Variants in SRGAP1 observed in about 807,000 individuals in gnomAD.
SRGAP1 encodes the protein SLIT-ROBO Rho GTPase-activating protein 1.
SRGAP1 carries 43 observed loss-of-function variants against 121.9 expected under a neutral mutation model. The observed-to-expected ratio is 0.35, with a 90% CI of 0.28 to 0.46. The LOEUF (loss-of-function observed/expected upper bound fraction) is 0.46. Ranked by LOEUF, SRGAP1 falls within the 20% of genes least tolerant of loss-of-function variation. SRGAP1 has a pLI of 1.00. For synonymous variants in SRGAP1, 447 were observed against 485.4 expected (o/e 0.92, Z 1.04); for missense variants, 1,102 against 1,350.9 (o/e 0.82, Z 2.89).
intron 8 of SRGAP1, among the ~76,000 whole-genome samples, chr12:64,076,174 C>T (rs1219338175): frequency 6.6e-6 from 1 of 152,142 alleles, no homozygotes; most frequent in Non-Finnish European, 1.5e-5. Context: ...GATAACCTCA[C>T]CTTTGACCTC....
Position 63,989,838 on chromosome 12 carries a change from C to T in SRGAP1, c.264-72C>T, listed in dbSNP as rs1368590130. On this transcript the variant is annotated intron_variant, in intron 2 of 21. Coordinates refer to ENST00000355086, the MANE Select transcript of SRGAP1 (RefSeq NM_020762.4). Reference sequence around the variant, plus strand: ...CATCTGTTGTGGTTCTTTAGTTTGCCTTGGTGACTTCACTCATCTGATTGG... The same window carrying T: ...CATCTGTTGTGGTTCTTTAGTTTGCTTTGGTGACTTCACTCATCTGATTGG... The T allele has an allele frequency of 5.5e-5, 68 of 1,226,712 alleles. 2 individuals are homozygous for T. In the East Asian group the frequency reaches 1.6e-3, roughly 28 times the overall value. 76.0% of individuals were successfully genotyped at this position (1,226,712 alleles called of 1,614,324 possible). A position where few individuals can be genotyped will look rare whatever the true frequency, so the allele number is the denominator to read the frequency against.
At chr12:63,932,530 C>A (rs1165149544) in intron 1 of SRGAP1, among the ~76,000 whole-genome samples, 1 of 152,262 alleles carries the variant, frequency 6.6e-6, no homozygotes, top group Non-Finnish European at 1.5e-5. Flanking sequence ...ATAGAGAAAT[C>A]TTTATTACTA....
chr12:64,049,125 CA>C, intron 6 of SRGAP1, among the ~76,000 whole-genome samples: 1 of 152,166 alleles, frequency 6.6e-6, no homozygotes, highest in Non-Finnish European at 1.5e-5. Context: ...GTAGTAGTTG[CA>C]TAGTTCAAAG....
At chr12:64,142,002 T>A (rs971437043) in intron 21 of SRGAP1, among the ~76,000 whole-genome samples, 1 of 152,028 alleles carries the variant, frequency 6.6e-6, no homozygotes. Flanking sequence ...AGAAAAAAAT[T>A]TTTTTTTAAG....
chr12:63,931,632 T>C (rs1326599338), intron 1 of SRGAP1, among the ~76,000 whole-genome samples: 1 of 152,174 alleles, frequency 6.6e-6, no homozygotes, highest in African/African-American at 2.4e-5. Context: ...ATGCCTACCT[T>C]AGACAAGACA....
chr12:64,064,498 C>T (rs774836675), intron 7 of SRGAP1, among the ~76,000 whole-genome samples: 5 of 152,178 alleles, frequency 3.3e-5, no homozygotes, highest in Admixed American at 3.3e-4. Context: ...TTGAAAGATG[C>T]TAAAGTAGTC....
chr12:63,873,558 GA>G (rs996268997), intron 1 of SRGAP1, among the ~76,000 whole-genome samples: 1 of 146,866 alleles, frequency 6.8e-6, no homozygotes, highest in Non-Finnish European at 1.5e-5. Flanking sequence ...GAAAAGAAAA[GA>G]AAAAAAAACT....
At chr12:63,902,324 A>G (rs950371069) in intron 1 of SRGAP1, among the ~76,000 whole-genome samples, 4 of 152,200 alleles carry the variant, frequency 2.6e-5, no homozygotes, top group Non-Finnish European at 5.9e-5. Flanking sequence ...CACTATTCCA[A>G]GAACAGTATT....
intron 1 of SRGAP1, among the ~76,000 whole-genome samples, chr12:63,956,720 CTTTTTT>C (rs3067620): frequency 3.1e-5 from 3 of 96,978 alleles, no homozygotes; most frequent in East Asian, 6.6e-4. Context: ...GTAAGCAAGG[CTTTTTT>C]TTTTTTTTTT....
Position 64,063,072 on chromosome 12 carries a change from G to A in SRGAP1, c.957G>A (p.Met319Ile). ...LEPRSDKQRF[M>I]EMYPAAFCPP... Reference sequence around the variant, plus strand: ...CCAGGAGCGATAAGCAGAGATTCATGGAGATGTACCCTGCTGCGTTCTGTC... The same window carrying A: ...CCAGGAGCGATAAGCAGAGATTCATAGAGATGTACCCTGCTGCGTTCTGTC... The change falls in exon 7 of 22, where the codon ATG (methionine) becomes ATA (isoleucine). Residue 319 changes from methionine to isoleucine, a missense_variant. Coordinates refer to ENST00000355086, the MANE Select transcript of SRGAP1 (RefSeq NM_020762.4). The A allele has an allele frequency of 6.2e-7, 1 of 1,614,096 alleles. No homozygotes were observed. Among genetic ancestry groups the A allele is most frequent in the Non-Finnish European group, 8.5e-7 (1 of 1,179,996 alleles).
At chr12:64,137,488 T>TG (rs1007918394) in intron 21 of SRGAP1, among the ~76,000 whole-genome samples, 1 of 152,156 alleles carries the variant, frequency 6.6e-6, no homozygotes, top group African/African-American at 2.4e-5. Flanking sequence ...GATTTTCCCA[T>TG]GGGGACAAGT....
intron 3 of SRGAP1, among the ~76,000 whole-genome samples, chr12:63,990,329 C>T (rs1369605376): frequency 1.3e-5 from 2 of 152,024 alleles, no homozygotes; most frequent in East Asian, 1.9e-4. Flanking sequence ...GCCAAGAGAT[C>T]GAGACCATCC....
intron 1 of SRGAP1, among the ~76,000 whole-genome samples, chr12:63,925,937 T>C (rs2031245773): frequency 6.6e-6 from 1 of 152,214 alleles, no homozygotes; most frequent in Admixed American, 6.5e-5. Context: ...CACTGTAACC[T>C]AAGCCTAGAA....
chr12:63,889,780 C>T (rs952649914), intron 1 of SRGAP1, among the ~76,000 whole-genome samples: 3 of 151,940 alleles, frequency 2.0e-5, no homozygotes, highest in Non-Finnish European at 2.9e-5. Context: ...TGGTGTGAAG[C>T]GCCTGTAATC....
chr12:63,864,124 A>G (rs1027543593), intron 1 of SRGAP1, among the ~76,000 whole-genome samples: 1 of 152,218 alleles, frequency 6.6e-6, no homozygotes, highest in Non-Finnish European at 1.5e-5. Context: ...TTAATTTAAT[A>G]GTATTCTCCA....
rs1467516520 is a variant in SRGAP1, at chr12:63,919,523, C to CATACAT, written c.68-64423_68-64422insTACATA. 1.3e-3 allele frequency among the ~76,000 whole-genome samples: 164 copies of CATACAT among 129,220 alleles called. 1 individual carries two copies. Among genetic ancestry groups the CATACAT allele is most frequent in the African/African-American group, 4.5e-3 (143 of 31,932 alleles). 84.8% of individuals were successfully genotyped at this position (129,220 alleles called of 152,430 possible). ...ACATATATATATATATATATATATA[C>CATACAT]ACATACACACACACACAACTATGTT... On this transcript the variant is annotated intron_variant, in intron 1 of 21. Transcript: ENST00000355086.
chr12:63,900,501 G>A (rs61933087), intron 1 of SRGAP1, among the ~76,000 whole-genome samples: 7,293 of 151,810 alleles, frequency 0.048, 267 homozygotes, highest in Middle Eastern at 0.14. Context: ...ACCTGTGCCC[G>A]GCCATGCTTT....
intron 4 of SRGAP1, among the ~76,000 whole-genome samples, chr12:64,032,003 C>A (rs1000515330): frequency 6.6e-6 from 1 of 152,140 alleles, no homozygotes; most frequent in African/African-American, 2.4e-5. Flanking sequence ...TGTAAATTTA[C>A]TAGGGGCAAA....
intron 1 of SRGAP1, among the ~76,000 whole-genome samples, chr12:63,933,499 C>T (rs1414891185): frequency 6.6e-6 from 1 of 152,064 alleles, no homozygotes; most frequent in African/African-American, 2.4e-5. Context: ...GATTTAGAAG[C>T]ATACCAAGAA....
Sources: gnomAD v4.1 joint callset for allele counts (sites outside exome capture counted in the v4.1 genomes callset) on GRCh38, gnomAD v4.1.1 for gene constraint, MANE v1.5 for transcripts, NCBI Gene and HGNC (gene_info 2026-07-23, HGNC 2026-07-21) for gene names.